Variants in IQSEC1 observed in about 807,000 individuals in gnomAD.
IQSEC1 encodes the protein IQ motif and Sec7 domain ArfGEF 1, also known as IQ motif and SEC7 domain-containing protein 1.
IQSEC1 carries 31 observed loss-of-function variants against 91.0 expected under a neutral mutation model. That is an observed-to-expected ratio of 0.34 (90% CI 0.26 to 0.46). The LOEUF is 0.46. Ranked by LOEUF, IQSEC1 falls within the 20% of genes least tolerant of loss-of-function variation. The pLI is 1.00. For missense variants in IQSEC1, 1,388 were observed against 1,575.6 expected, an observed-to-expected ratio of 0.88 and a Z score of 2.02; for synonymous variants, 699 against 662.6, an observed-to-expected ratio of 1.05 and a Z score of -0.84.
chr3:13,267,727 C>A (rs1009138746), intron 1 of IQSEC1, among the ~76,000 whole-genome samples: 12 of 151,884 alleles, frequency 7.9e-5, no homozygotes, highest in African/African-American at 2.9e-4. Context: ...ACGCCATTCT[C>A]CTGCCTCAGC....
chr3:13,147,834 T>C (rs1373046366), intron 2 of IQSEC1, among the ~76,000 whole-genome samples: 1 of 152,222 alleles, frequency 6.6e-6, no homozygotes, highest in Non-Finnish European at 1.5e-5. Context: ...GGTTTCACCA[T>C]GTTGGCCAGG....
Position 13,008,417 on chromosome 3 carries a change from G to A in IQSEC1, c.23+64575C>T, listed in dbSNP as rs935056104. On this transcript the variant is annotated intron_variant, in intron 1 of 13. Coordinates refer to ENST00000613206, the MANE Select transcript of IQSEC1 (RefSeq NM_001134382.3). This position sits in a 1 kb window ranked among gnomAD's most constrained non-coding sequence, Gnocchi z 4.1. ...GCTGCCATTAGTCTCCAAACCCTCTGTCCTTTGAGCCTGAATCCCCAGGGG... is the reference window on the plus strand; with the variant it reads ...GCTGCCATTAGTCTCCAAACCCTCTATCCTTTGAGCCTGAATCCCCAGGGG... Among the ~76,000 whole-genome samples the A allele has an allele frequency of 1.2e-4, 19 of 152,120 alleles. No homozygotes were observed. Among genetic ancestry groups the A allele is most frequent in the African/African-American group, 4.6e-4 (19 of 41,402 alleles).
At chr3:13,261,979 A>C (rs1285698315) in intron 1 of IQSEC1, among the ~76,000 whole-genome samples, 1 of 152,242 alleles carries the variant, frequency 6.6e-6, no homozygotes. Context: ...ATCTTGGGAA[A>C]ATAGGCAGCT....
chr3:13,133,545 C>T (rs1451924072), intron 2 of IQSEC1, among the ~76,000 whole-genome samples: 5 of 152,248 alleles, frequency 3.3e-5, no homozygotes, highest in Non-Finnish European at 5.9e-5. Flanking sequence ...AGCAGGCGCC[C>T]TTGCCAGGCC....
At chr3:13,270,438 G>C (rs747274778) in intron 1 of IQSEC1, among the ~76,000 whole-genome samples, 1 of 152,050 alleles carries the variant, frequency 6.6e-6, no homozygotes, top group East Asian at 1.9e-4. Flanking sequence ...GAAGCTTCTG[G>C]GCTGGTTCCT....
chr3:13,073,600 G>C (rs553544601), upstream of IQSEC1, among the ~76,000 whole-genome samples: 83 of 152,364 alleles, frequency 5.4e-4, no homozygotes, highest in Admixed American at 1.2e-3. Flanking sequence ...GGCGGGGCGC[G>C]GGGCGCCGGC....
chr3:13,019,350 G>GCT (rs1054190636), intron 1 of IQSEC1, among the ~76,000 whole-genome samples: 6 of 152,184 alleles, frequency 3.9e-5, no homozygotes, highest in Non-Finnish European at 7.4e-5. Flanking sequence ...CACACCTCTC[G>GCT]CTTTTCCAGA....
intron 1 of IQSEC1, among the ~76,000 whole-genome samples, chr3:13,058,258 G>C (rs1322989560): frequency 1.3e-5 from 2 of 152,230 alleles, no homozygotes; most frequent in East Asian, 3.8e-4. Context: ...GGGCGACAGA[G>C]GGAGACTCTG....
At chr3:13,273,860 A>C (rs1576319000) in intron 1 of IQSEC1, among the ~76,000 whole-genome samples, 1 of 149,096 alleles carries the variant, frequency 6.7e-6, no homozygotes. Flanking sequence ...GTTTGCCTCC[A>C]CCCTCCTCTC....
At chr3:13,162,457 T>C (rs1274672937) in intron 2 of IQSEC1, among the ~76,000 whole-genome samples, 1 of 152,178 alleles carries the variant, frequency 6.6e-6, no homozygotes, top group African/African-American at 2.4e-5. Context: ...CCTGTTGTTT[T>C]GAATTAATTG....
rs57912681 is a variant in IQSEC1 at position 13,191,477 on chromosome 3, ATTTTTTTTTTTT to A, written c.273-27356_273-27345del. 5.5e-3 allele frequency among the ~76,000 whole-genome samples: 509 copies of A among 92,140 alleles called. 1 individual carries two copies. The highest frequency in any genetic ancestry group is 7.4e-3 in the South Asian group (17 of 2,300). The allele number at this position is 92,140 out of a possible 152,430, so 60.4% of individuals were successfully genotyped here. A position where few individuals can be genotyped will look rare whatever the true frequency, so the allele number is the denominator to read the frequency against. The stretch of plus-strand genomic sequence containing the variant: ...AGCTCCCAGTCCCCACACCCAGCTA[ATTTTTTTTTTTT>A]TTTTTTTTTTTTTTTTTTTGTATTT... On this transcript the variant is annotated intron_variant, in intron 1 of 15. Coordinates refer to the IQSEC1 transcript ENST00000648114.
At chr3:13,179,805 G>T (rs981403154) in intron 1 of IQSEC1, among the ~76,000 whole-genome samples, 1 of 152,238 alleles carries the variant, frequency 6.6e-6, no homozygotes, top group Non-Finnish European at 1.5e-5. Flanking sequence ...GCGGGCCAGC[G>T]CGAGTTCCGG....
At chr3:12,987,923 G>C (rs1198169799) in intron 1 of IQSEC1, among the ~76,000 whole-genome samples, 1 of 152,148 alleles carries the variant, frequency 6.6e-6, no homozygotes, top group Non-Finnish European at 1.5e-5. Flanking sequence ...GACAAAGACC[G>C]ACAATGCCCA....
At chr3:12,942,463 C>A (rs190070066) in intron 1 of IQSEC1, among the ~76,000 whole-genome samples, 1,691 of 152,096 alleles carry the variant, frequency 0.011, 16 homozygotes, top group South Asian at 0.05. Flanking sequence ...ATTAGCCGGG[C>A]GTGGTGGTGG....
At chr3:13,260,783 C>T (rs2125129378) in intron 1 of IQSEC1, among the ~76,000 whole-genome samples, 1 of 152,328 alleles carries the variant, frequency 6.6e-6, no homozygotes, top group Non-Finnish European at 1.5e-5. Flanking sequence ...AAGGAGAAAG[C>T]CACATTGTCC....
intron 2 of IQSEC1, among the ~76,000 whole-genome samples, chr3:13,148,919 G>C (rs754454462): frequency 6.6e-6 from 1 of 152,278 alleles, no homozygotes. Context: ...CTTTCCAGGG[G>C]AGCCAAGGCT....
intron 1 of IQSEC1, among the ~76,000 whole-genome samples, chr3:12,991,160 C>T (rs374384223): frequency 3.9e-5 from 6 of 152,130 alleles, no homozygotes; most frequent in African/African-American, 1.2e-4. Flanking sequence ...TTTGCATCGC[C>T]CTTCTGTTCA....
intron 1 of IQSEC1, among the ~76,000 whole-genome samples, chr3:13,180,170 C>A (rs1320758269): frequency 6.6e-6 from 1 of 152,208 alleles, no homozygotes. Context: ...GTGAAGCCTG[C>A]TGGGCTCCTG....
At chr3:13,164,113 C>T (rs2124986483) in exon 2 of IQSEC1, among the ~76,000 whole-genome samples, 1 of 152,270 alleles carries the variant, frequency 6.6e-6, no homozygotes, top group South Asian at 2.1e-4. Context: ...CCTGACGCTC[C>T]GCGAGCTTTC....
Sources: gnomAD v4.1 joint callset for allele counts (sites outside exome capture counted in the v4.1 genomes callset) on GRCh38, gnomAD v4.1.1 for gene constraint, Gnocchi (gnomAD v3.1) non-coding constraint, MANE v1.5 for transcripts, NCBI Gene and HGNC (gene_info 2026-07-23, HGNC 2026-07-21) for gene names.